Variants in MYO16 observed in about 807,000 individuals in gnomAD.
MYO16 encodes the protein unconventional myosin-XVI.
MYO16 carries 94 observed loss-of-function variants against 205.3 expected under a neutral mutation model. That is an observed-to-expected ratio of 0.46 (90% CI 0.39 to 0.54). The LOEUF (loss-of-function observed/expected upper bound fraction) is 0.54, where lower values mean the gene tolerates loss of function less well. MYO16 is among the 20% of genes least tolerant of loss of function. The probability of loss-of-function intolerance (pLI) is 0.00; values close to 1 mark genes in which losing one functional copy is unlikely to be tolerated. For synonymous variants in MYO16, 988 were observed against 954.0 expected, an observed-to-expected ratio of 1.04 and a Z score of -0.66; for missense variants, 2,315 against 2,387.5, an observed-to-expected ratio of 0.97 and a Z score of 0.63.
At chr13:109,107,016 C>T (rs1052915962) in intron 28 of MYO16, among the ~76,000 whole-genome samples, 2 of 152,130 alleles carry the variant, frequency 1.3e-5, no homozygotes, top group Non-Finnish European at 2.9e-5. Context: ...TGGTGGCTTA[C>T]TCAAGATTAT....
At chr13:109,202,691 A>G (rs1053804232) in intron 34 of MYO16, among the ~76,000 whole-genome samples, 3 of 152,186 alleles carry the variant, frequency 2.0e-5, no homozygotes, top group Non-Finnish European at 2.9e-5. Context: ...TCTTCACAGA[A>G]CTAGAAAAAG....
At chr13:108,772,535 T>A (rs985476035) in intron 4 of MYO16, among the ~76,000 whole-genome samples, 1 of 151,784 alleles carries the variant, frequency 6.6e-6, no homozygotes, top group Non-Finnish European at 1.5e-5. Flanking sequence ...TGAAGGAGAC[T>A]AAAGAGAAAG....
upstream of MYO16, chr13:108,629,609 G>C (rs1168767979): frequency 2.1e-6 from 1 of 478,682 alleles, no homozygotes; most frequent in Non-Finnish European, 3.8e-6. Flanking sequence ...AATAGCACGT[G>C]CACCAGTGGT....
At chr13:108,535,396 T>C in the MYO16 span, among the ~76,000 whole-genome samples, 1 of 152,208 alleles carries the variant, frequency 6.6e-6, no homozygotes, top group Non-Finnish European at 1.5e-5. Flanking sequence ...GGTGGTCCCA[T>C]GATCATTCCG....
intron 10 of MYO16, among the ~76,000 whole-genome samples, chr13:108,848,990 A>C (rs531177289): frequency 5.6e-5 from 5 of 89,130 alleles, no homozygotes; most frequent in Non-Finnish European, 1.3e-4. Flanking sequence ...AGCCAGGGAA[A>C]GGGAAAGGGC....
intron 4 of MYO16, among the ~76,000 whole-genome samples, chr13:108,729,700 A>T (rs1884460194): frequency 6.6e-6 from 1 of 152,292 alleles, no homozygotes; most frequent in East Asian, 1.9e-4. Context: ...CATTTCCTCA[A>T]TGCAAATGTC....
At chr13:109,130,945 T>A (rs575672927) in intron 31 of MYO16, among the ~76,000 whole-genome samples, 2 of 152,266 alleles carry the variant, frequency 1.3e-5, no homozygotes, top group South Asian at 4.2e-4. Context: ...AGGGGTAGAA[T>A]TTTTCCATCA....
At chr13:109,078,402 C>T (rs758778511) in intron 27 of MYO16, among the ~76,000 whole-genome samples, 2 of 152,034 alleles carry the variant, frequency 1.3e-5, no homozygotes, top group Non-Finnish European at 2.9e-5. Flanking sequence ...TCTCATGCCA[C>T]TGTGCTCCGG....
At chr13:108,869,854 T>C (rs1878960592) in intron 12 of MYO16, among the ~76,000 whole-genome samples, 1 of 151,286 alleles carries the variant, frequency 6.6e-6, no homozygotes, top group Non-Finnish European at 1.5e-5. Flanking sequence ...ATACTCTGTG[T>C]ACACAATCTT....
At chr13:108,768,792 C>T (rs1885864284) in intron 4 of MYO16, among the ~76,000 whole-genome samples, 1 of 152,034 alleles carries the variant, frequency 6.6e-6, no homozygotes, top group Non-Finnish European at 1.5e-5. Flanking sequence ...TCAGCCATTC[C>T]AAACAGCTTG....
intron 4 of MYO16, among the ~76,000 whole-genome samples, chr13:108,780,228 G>A (rs1886257637): frequency 6.6e-6 from 1 of 152,090 alleles, no homozygotes; most frequent in Non-Finnish European, 1.5e-5. Flanking sequence ...AGATATATTA[G>A]AATGAATTTG....
intron 3 of MYO16, among the ~76,000 whole-genome samples, chr13:108,718,216 AT>A (rs1347226628): frequency 6.6e-6 from 1 of 152,086 alleles, no homozygotes; most frequent in Non-Finnish European, 1.5e-5. Context: ...GAAATATCTT[AT>A]TTTTAAAAAT....
chr13:108,851,160 T>C (rs1050321613), intron 10 of MYO16, among the ~76,000 whole-genome samples: 1 of 152,226 alleles, frequency 6.6e-6, no homozygotes, highest in African/African-American at 2.4e-5. Context: ...GAGTTAAAGA[T>C]GTATGCTAAC....
intron 4 of MYO16, among the ~76,000 whole-genome samples, chr13:108,765,690 C>A (rs1235159159): frequency 6.6e-6 from 1 of 152,196 alleles, no homozygotes; most frequent in African/African-American, 2.4e-5. Flanking sequence ...TTCACCATGG[C>A]AAACGTTTTA....
Position 108,866,238 on chromosome 13 carries a change from C to G in MYO16, c.1421C>G (p.Ser474Cys), listed in dbSNP as rs1566377348. 6.3e-7 allele frequency: 1 copy of G among 1,579,946 alleles called. No individual in the cohort carries two copies. Residue 474 changes from serine to cysteine, a missense_variant, in exon 12 of 35, where the codon TCC becomes TGC. Transcript: ENST00000457511. ...TACAAGGAGCTTCCAATTTATTCTTCCATGGTGAGCACAAAATTTTAAATA... is the reference window on the plus strand; with the variant it reads ...TACAAGGAGCTTCCAATTTATTCTTGCATGGTGAGCACAAAATTTTAAATA... ...NPYKELPIYS[S>C]MVSQLYFSSS...
At chr13:108,755,055 A>G (rs1449315930) in intron 4 of MYO16, among the ~76,000 whole-genome samples, 1 of 152,164 alleles carries the variant, frequency 6.6e-6, no homozygotes, top group Non-Finnish European at 1.5e-5. Context: ...GACAGCATTC[A>G]GGAGAGAGGG....
intron 1 of MYO16, among the ~76,000 whole-genome samples, chr13:108,599,920 T>C (rs1039542819): frequency 2.0e-5 from 3 of 152,178 alleles, no homozygotes; most frequent in Non-Finnish European, 2.9e-5. Context: ...TTTGTGAGCA[T>C]AGCAGATTTT....
At chr13:109,083,817 A>G (rs1888354590) in intron 27 of MYO16, among the ~76,000 whole-genome samples, 1 of 152,198 alleles carries the variant, frequency 6.6e-6, no homozygotes, top group African/African-American at 2.4e-5. Flanking sequence ...GGGCACCAGC[A>G]TCATACCAAA....
chr13:108,671,885 C>T (rs909084784), intron 2 of MYO16, among the ~76,000 whole-genome samples: 13 of 152,202 alleles, frequency 8.5e-5, no homozygotes, highest in East Asian at 1.9e-4. Context: ...GAACCTAATT[C>T]CCTCCCAAAG....
Sources: allele counts gnomAD v4.1 joint callset (sites outside exome capture counted in the v4.1 genomes callset), GRCh38; gene constraint gnomAD v4.1.1; transcripts MANE v1.5; gene names NCBI Gene and HGNC (gene_info 2026-07-23, HGNC 2026-07-21).